The following MYT1L variants were observed in gnomAD, a reference collection of about 807,000 sequenced individuals.
MYT1L encodes myelin transcription factor 1 like, also known as myelin transcription factor 1-like protein.
In MYT1L, 12 loss-of-function variants were observed where a neutral mutation model predicts 126.7. The observed-to-expected ratio is 0.09, with a 90% CI of 0.06 to 0.15. MYT1L has a LOEUF of 0.15. MYT1L is among the 10% of genes least tolerant of loss of function. The probability of loss-of-function intolerance (pLI) is 1.00; values close to 1 mark genes in which losing one functional copy is unlikely to be tolerated. For missense variants in MYT1L, 979 were observed against 1,585.2 expected (o/e 0.62, Z 6.49); for synonymous variants, 541 against 604.2 (o/e 0.90, Z 1.53).
In MYT1L at chr2:1,793,708, C is replaced by T. The variant is rs978417610; in HGVS notation, c.3277-1244G>A. ...GGAAGGAATCGCAGCCCCCACCATT[C>T]CTGCAGGGACGGTCCCCTGTGGAGA... is the stretch of plus-strand genomic sequence containing the variant. On this transcript the variant is annotated intron_variant, in intron 23 of 24. Transcript: ENST00000647738. The surrounding 1 kb of genome is among the most constrained non-coding windows in gnomAD (Gnocchi z 4.6). Among the ~76,000 whole-genome samples the T allele has an allele frequency of 6.6e-6, 1 of 152,206 alleles. No individual in the cohort carries two copies. Among genetic ancestry groups the T allele is most frequent in the Non-Finnish European group, 1.5e-5 (1 of 68,044 alleles).
rs1289190175 is a variant in MYT1L, at chr2:1,793,693, G to A, written c.3277-1229C>T. ...GCCGGCCTTCTCCTTGGAAGGAATCGCAGCCCCCACCATTCCTGCAGGGAC... is the reference window on the plus strand; with the variant it reads ...GCCGGCCTTCTCCTTGGAAGGAATCACAGCCCCCACCATTCCTGCAGGGAC... On this transcript the variant is annotated intron_variant, in intron 23 of 24. Coordinates refer to ENST00000647738, the MANE Select transcript of MYT1L (RefSeq NM_001303052.2). This position sits in a 1 kb window ranked among gnomAD's most constrained non-coding sequence, Gnocchi z 4.6. Among the ~76,000 whole-genome samples the A allele has an allele frequency of 1.3e-5, 2 of 152,206 alleles. No homozygotes were observed. Among genetic ancestry groups the A allele is most frequent in the Admixed American group, 1.3e-4 (2 of 15,290 alleles).
intron 3 of MYT1L, among the ~76,000 whole-genome samples, chr2:2,157,609 G>T (rs528252746): frequency 6.6e-6 from 1 of 152,136 alleles, no homozygotes; most frequent in Non-Finnish European, 1.5e-5. Context: ...TGATACATGT[G>T]CTGAGCATAT....
chr2:1,812,537 G>A (rs2036832235), intron 21 of MYT1L, among the ~76,000 whole-genome samples: 1 of 152,138 alleles, frequency 6.6e-6, no homozygotes. Flanking sequence ...TGCAGACTGA[G>A]CCCTCAAAGA....
intron 2 of MYT1L, among the ~76,000 whole-genome samples, chr2:2,212,065 G>T (rs2148910840): frequency 6.6e-6 from 1 of 152,266 alleles, no homozygotes; most frequent in South Asian, 2.1e-4. Context: ...TCCATGGTCT[G>T]CAAGTCCCCA....
At position 1,892,287 on chromosome 2, in the gene MYT1L, G is replaced by A. The variant is rs1408117736; in HGVS notation, c.2033C>T (p.Ala678Val). The part of the protein sequence containing the change: ...RDISPKGYDD[A>V]KRYCKDPSPS... ...GCTGGGGTCCTTGCAGTACCGCTTC[G>A]CTGGGGAGACAGGGACAGGGATGAC... Residue 678 changes from alanine to valine, a missense_variant and splice_region_variant, in exon 15 of 25, where the codon GCG becomes GTG. Physicochemically the swap from Ala to Val is moderately conservative, Grantham distance 64. Transcript: ENST00000647738. 7 of 1,547,740 alleles carry A rather than the reference G, an allele frequency of 4.5e-6. No homozygotes were observed. Among genetic ancestry groups the A allele is most frequent in the African/African-American group, 2.7e-5 (2 of 72,954 alleles).
intron 13 of MYT1L, among the ~76,000 whole-genome samples, chr2:1,909,408 A>G (rs2051562852): frequency 6.6e-6 from 1 of 152,238 alleles, no homozygotes; most frequent in South Asian, 2.1e-4. Context: ...GAATATACGT[A>G]GCTGTGAAGA....
At chr2:1,853,202 G>T (rs2043496927) in intron 18 of MYT1L, among the ~76,000 whole-genome samples, 1 of 152,198 alleles carries the variant, frequency 6.6e-6, no homozygotes, top group African/African-American at 2.4e-5. Context: ...GAATGAGAGG[G>T]TCACTGAGTG....
intron 3 of MYT1L, among the ~76,000 whole-genome samples, chr2:2,144,080 A>G (rs1040061617): frequency 2.0e-5 from 3 of 152,164 alleles, no homozygotes; most frequent in African/African-American, 4.8e-5. Context: ...AAGCCTGCAC[A>G]TGTACCCCCT....
At chr2:1,819,569 C>T (rs1460445604) in intron 21 of MYT1L, among the ~76,000 whole-genome samples, 1 of 152,248 alleles carries the variant, frequency 6.6e-6, no homozygotes, top group African/African-American at 2.4e-5. Context: ...CAGCCTCTCT[C>T]CATGCACCCG....
At chr2:2,297,254 A>G (rs1334808112) in intron 1 of MYT1L, among the ~76,000 whole-genome samples, 2 of 152,260 alleles carry the variant, frequency 1.3e-5, no homozygotes, top group East Asian at 3.9e-4. Flanking sequence ...TTTGAAAATG[A>G]TTTCTGATTT....
intron 3 of MYT1L, among the ~76,000 whole-genome samples, chr2:2,122,866 T>TGA (rs1194117267): frequency 1.4e-5 from 2 of 146,320 alleles, no homozygotes; most frequent in African/African-American, 5.4e-5. Context: ...TGTGTGTGTG[T>TGA]GTGTGTGAGA....
intron 3 of MYT1L, among the ~76,000 whole-genome samples, chr2:2,063,166 C>T (rs914338149): frequency 2.0e-5 from 3 of 152,068 alleles, no homozygotes; most frequent in Admixed American, 6.5e-5. Context: ...AGTGATTCAA[C>T]TCATCTTCTC....
chr2:2,092,982 T>A (rs1476802489), intron 3 of MYT1L, among the ~76,000 whole-genome samples: 1 of 152,172 alleles, frequency 6.6e-6, no homozygotes. Flanking sequence ...TGTGTAACTT[T>A]GAATGCACCA....
At chr2:2,167,063 G>A (rs750265113) in intron 3 of MYT1L, among the ~76,000 whole-genome samples, 1 of 152,186 alleles carries the variant, frequency 6.6e-6, no homozygotes, top group Non-Finnish European at 1.5e-5. Flanking sequence ...GGCGAGGCAA[G>A]TGTGTCTTGG....
chr2:1,833,204 T>C (rs1159650885), intron 21 of MYT1L, among the ~76,000 whole-genome samples: 1 of 152,172 alleles, frequency 6.6e-6, no homozygotes, highest in Non-Finnish European at 1.5e-5. Context: ...TGGTTGGCCT[T>C]GCCCCAGTGC....
chr2:2,277,361 A>G (rs1240135981), intron 2 of MYT1L, among the ~76,000 whole-genome samples: 1 of 152,224 alleles, frequency 6.6e-6, no homozygotes, highest in Non-Finnish European at 1.5e-5. Context: ...CATTTGCTCA[A>G]GGGTGACCTT....
intron 3 of MYT1L, among the ~76,000 whole-genome samples, chr2:2,148,131 T>C (rs73913217): frequency 0.016 from 2,417 of 152,236 alleles, 62 homozygotes; most frequent in African/African-American, 0.051. Context: ...CCCGCATGAC[T>C]TATCTGGATA....
chr2:2,166,474 T>C (rs549429937), intron 3 of MYT1L, among the ~76,000 whole-genome samples: 1 of 152,348 alleles, frequency 6.6e-6, no homozygotes, highest in South Asian at 2.1e-4. Context: ...TGGCAATGCA[T>C]GGGTTTCAGA....
intron 3 of MYT1L, among the ~76,000 whole-genome samples, chr2:2,057,539 C>G (rs1170614138): frequency 6.6e-6 from 1 of 152,194 alleles, no homozygotes; most frequent in Non-Finnish European, 1.5e-5. Flanking sequence ...CCACCCCCAC[C>G]ATCTTTTTTC....
Sources: allele counts gnomAD v4.1 joint callset (sites outside exome capture counted in the v4.1 genomes callset), GRCh38; gene constraint gnomAD v4.1.1; non-coding constraint Gnocchi (gnomAD v3.1); transcripts MANE v1.5; gene names NCBI Gene and HGNC (gene_info 2026-07-23, HGNC 2026-07-21).